Variants in DNAH7 observed in about 807,000 individuals in gnomAD.
The protein encoded by DNAH7 is dynein axonemal heavy chain 7.
In DNAH7, 397 loss-of-function variants were observed where a neutral mutation model predicts 444.6. The observed-to-expected ratio is 0.89, with a 90% confidence interval of 0.82 to 0.97. The LOEUF (loss-of-function observed/expected upper bound fraction) is 0.97, where lower values mean the gene tolerates loss of function less well. Among genes scored for constraint, DNAH7 ranks in the 50% least tolerant of loss-of-function variants. The probability of loss-of-function intolerance (pLI) is 0.00; values close to 1 mark genes in which losing one functional copy is unlikely to be tolerated. For missense variants in DNAH7, 4,902 were observed against 4,800.8 expected (o/e 1.02, Z -0.62); for synonymous variants, 1,636 against 1,624.4 (o/e 1.01, Z -0.17).
At chr2:195,741,097 G>A (rs1574343865) in intron 63 of DNAH7, 4 of 226,470 alleles carry the variant, frequency 1.8e-5, no homozygotes, top group Admixed American at 5.6e-5. Flanking sequence ...TGTGGAAGAC[G>A]AGAGGAAAGA....
At position 195,799,405 on chromosome 2, in the gene DNAH7, A is replaced by G. The variant is rs777278125; in HGVS notation, c.10244T>C (p.Phe3415Ser). 6.2e-7 allele frequency: 1 copy of G among 1,611,208 alleles called. No homozygotes were observed. The highest frequency in any genetic ancestry group is 8.5e-7 in the Non-Finnish European group (1 of 1,178,636). Residue 3415 changes from phenylalanine to serine, a missense_variant, in exon 55 of 65, where the codon TTT becomes TCT. Phe to Ser is a radical substitution (Grantham distance 155). Coordinates refer to ENST00000312428, the MANE Select transcript of DNAH7 (RefSeq NM_018897.3). Reference sequence around the variant, plus strand: ...GTCTCCAAATGCCTTGGCTAAATCAAAGGGGGGTGGTTCAATGAATGCACG... The same window carrying G: ...GTCTCCAAATGCCTTGGCTAAATCAGAGGGGGGTGGTTCAATGAATGCACG... ...LGRAFIEPPP[F>S]DLAKAFGDSN...
chr2:195,984,709 A>C lies in DNAH7; in HGVS notation c.1756T>G (p.Leu586Val), dbSNP rs2125623435. ...GCTATCCTCTCAAATTCATCGCATA[A>C]TCTGAAACACCAAGTAAAACCAATC... ...FRDHQEVNTR[L>V]CDEFERIAEK... Residue 586 changes from leucine (L) to valine (V), a missense_variant and splice_region_variant, in exon 15 of 65, where the codon TTA (leucine) becomes GTA (valine). Leu to Val is a conservative substitution (Grantham distance 32). Transcript: ENST00000312428. 6.2e-7 allele frequency: 1 copy of C among 1,613,770 alleles called. No homozygotes were observed. Among genetic ancestry groups the C allele is most frequent in the East Asian group, 2.2e-5 (1 of 44,842 alleles).
intron 51 of DNAH7, among the ~76,000 whole-genome samples, chr2:195,814,734 G>A (rs983894839): frequency 1.3e-4 from 19 of 151,904 alleles, no homozygotes; most frequent in African/African-American, 4.4e-4. Flanking sequence ...GTAACTACTG[G>A]GAATAATTTT....
rs1430818955 is a variant in DNAH7 at position 195,754,373 on chromosome 2, T to C, written c.11728A>G (p.Met3910Val). 6.2e-7 allele frequency: 1 copy of C among 1,613,902 alleles called. No homozygotes were observed. The highest frequency in any genetic ancestry group is 8.5e-7 in the Non-Finnish European group (1 of 1,179,948). Residue 3910 changes from methionine (M) to valine (V), a missense_variant, in exon 63 of 65, where the codon ATG becomes GTG. By Grantham distance (21) the Met-to-Val change is conservative. Transcript: ENST00000312428. ...GGATGCTTGTATTCTTTGTCTTCCA[T>C]CACTTCATAGTCAAACCCAAGAAGA... ...IDLLGFDYEV[M>V]EDKEYKHPPE...
At chr2:196,030,949 C>T (rs1696016548) in intron 5 of DNAH7, among the ~76,000 whole-genome samples, 1 of 152,202 alleles carries the variant, frequency 6.6e-6, no homozygotes, top group African/African-American at 2.4e-5. Context: ...AGGACAGTGG[C>T]CCTCTTCTCA....
intron 49 of DNAH7, among the ~76,000 whole-genome samples, chr2:195,823,943 A>C (rs1008115205): frequency 6.6e-6 from 1 of 152,246 alleles, no homozygotes; most frequent in Non-Finnish European, 1.5e-5. Context: ...TAATTAGCAT[A>C]TAATCATTTA....
chr2:195,779,892 A>G (rs909921954), intron 58 of DNAH7, among the ~76,000 whole-genome samples: 2 of 152,236 alleles, frequency 1.3e-5, no homozygotes, highest in African/African-American at 2.4e-5. Context: ...GGCATGAACC[A>G]CTGCACCCTG....
At chr2:195,913,814 C>T (rs927534278) in intron 24 of DNAH7, among the ~76,000 whole-genome samples, 4 of 152,198 alleles carry the variant, frequency 2.6e-5, no homozygotes, top group East Asian at 1.9e-4. Flanking sequence ...CTCCCGGGTT[C>T]AAGCGATTCT....
At chr2:195,788,482 C>T (rs1389733171) in intron 57 of DNAH7, among the ~76,000 whole-genome samples, 2 of 152,128 alleles carry the variant, frequency 1.3e-5, no homozygotes, top group Non-Finnish European at 1.5e-5. Context: ...CACTTTACTA[C>T]CTAACAGTAA....
intron 40 of DNAH7, 137 bp downstream of exon 40, chr2:195,872,113 G>T (rs1700746513): frequency 1.5e-6 from 1 of 663,300 alleles, no homozygotes; most frequent in Non-Finnish European, 2.5e-6. Context: ...AAATTTTTCT[G>T]AACACTGGCC....
chr2:195,885,875 G>T (rs921134339), intron 34 of DNAH7, among the ~76,000 whole-genome samples: 11 of 152,164 alleles, frequency 7.2e-5, no homozygotes, highest in Admixed American at 6.5e-4. Flanking sequence ...TCTAAGGCTG[G>T]TCAAAAGACC....
intron 17 of DNAH7, among the ~76,000 whole-genome samples, chr2:195,966,407 A>G (rs905315317): frequency 6.6e-6 from 1 of 152,162 alleles, no homozygotes; most frequent in Non-Finnish European, 1.5e-5. Flanking sequence ...TGCTGAGGAG[A>G]AGAATTCGCG....
At chr2:196,030,273 C>T (rs1207930905) in intron 5 of DNAH7, among the ~76,000 whole-genome samples, 1 of 152,158 alleles carries the variant, frequency 6.6e-6, no homozygotes, top group South Asian at 2.1e-4. Flanking sequence ...ATGAGACTTA[C>T]TCACTATCAT....
chr2:195,749,952 T>C (rs1162891603), intron 63 of DNAH7, among the ~76,000 whole-genome samples: 1 of 151,638 alleles, frequency 6.6e-6, no homozygotes, highest in African/African-American at 2.4e-5. Flanking sequence ...CTGCACATTG[T>C]GCACATGTAC....
chr2:195,875,619 T>C, intron 38 of DNAH7, 56 bp downstream of exon 38: 1 of 1,481,954 alleles, frequency 6.7e-7, no homozygotes, highest in Non-Finnish European at 9.1e-7. Flanking sequence ...GTTATTTCTT[T>C]AGCTATTGCT....
Position 195,934,724 on chromosome 2 carries a change from T to A in DNAH7, c.3338A>T (p.Asp1113Val). 1.2e-6 allele frequency: 2 copies of A among 1,614,138 alleles called. No individual in the cohort carries two copies. The highest frequency in any genetic ancestry group is 1.7e-6 in the Non-Finnish European group (2 of 1,179,994). Residue 1113 changes from aspartate (D) to valine (V), a missense_variant, in exon 21 of 65, where the codon GAC becomes GTC. Transcript: ENST00000312428. ...TTCGCTGCTCTTCATGTGAGTAATG[T>A]CTAAAGTTTCCGTAAATTCTACCTT... ...IAKVEFTETL[D>V]ITHMKSSEGE...
intron 40 of DNAH7, among the ~76,000 whole-genome samples, chr2:195,869,555 T>G (rs1356848701): frequency 2.6e-5 from 4 of 151,988 alleles, no homozygotes; most frequent in African/African-American, 9.7e-5. Context: ...CTGGAACTAC[T>G]AGGATAGGGG....
At position 195,960,995 on chromosome 2, in the gene DNAH7, C is replaced by T. The variant is rs1178447727; in HGVS notation, c.2206-50G>A. 2.9e-6 allele frequency: 4 copies of T among 1,364,152 alleles called. No homozygotes were observed. In the African/African-American group the frequency reaches 5.9e-5, roughly 20 times the overall value. 84.5% of individuals were successfully genotyped at this position (1,364,152 alleles called of 1,614,324 possible). On this transcript the variant is annotated intron_variant, in intron 17 of 64. Coordinates refer to ENST00000312428, the MANE Select transcript of DNAH7 (RefSeq NM_018897.3). ...TTAGTTATTTTGAAAGTGAATGATA[C>T]TGCAAATTAAGTTTTTTTAAATATC...
intron 19 of DNAH7, among the ~76,000 whole-genome samples, chr2:195,950,440 G>A (rs1690142533): frequency 6.6e-6 from 1 of 152,054 alleles, no homozygotes; most frequent in East Asian, 1.9e-4. Flanking sequence ...TATTTCTGTG[G>A]GGCCGGTGGT....
Sources: gnomAD v4.1 joint callset for allele counts (sites outside exome capture counted in the v4.1 genomes callset) on GRCh38, gnomAD v4.1.1 for gene constraint, MANE v1.5 for transcripts, NCBI Gene and HGNC (gene_info 2026-07-23, HGNC 2026-07-21) for gene names.